The following PIP5K1A variants were observed in gnomAD, a reference collection of about 807,000 sequenced individuals.
The protein encoded by PIP5K1A is phosphatidylinositol-4-phosphate 5-kinase type 1 alpha.
PIP5K1A carries 46 observed loss-of-function variants against 72.9 expected under a neutral mutation model. The ratio of observed to expected loss-of-function variants is 0.63; its 90% CI spans 0.50 to 0.81. PIP5K1A has a LOEUF of 0.81. PIP5K1A is among the 30% of genes least tolerant of loss of function. The pLI is 0.00. For synonymous variants in PIP5K1A, 228 were observed against 255.1 expected (o/e 0.89, Z 1.01); for missense variants, 458 against 706.1 (o/e 0.65, Z 3.98).
chr1:151,246,012 C>T (rs1360772357), intron 14 of PIP5K1A, among the ~76,000 whole-genome samples: 2 of 151,986 alleles, frequency 1.3e-5, no homozygotes, highest in Non-Finnish European at 2.9e-5. Context: ...TTTGGGAGGC[C>T]GAGGAGGGCG....
intron 1 of PIP5K1A, among the ~76,000 whole-genome samples, chr1:151,208,152 G>A (rs963905083): frequency 5.9e-5 from 9 of 152,016 alleles, no homozygotes; most frequent in African/African-American, 2.2e-4. Flanking sequence ...GAGCCACCGG[G>A]CCCAGCTGGC....
upstream of PIP5K1A, chr1:151,198,162 T>TA: frequency 2.2e-6 from 1 of 462,494 alleles, no homozygotes; most frequent in Non-Finnish European, 4.5e-6. Flanking sequence ...ACAAGAGTAG[T>TA]AAAACAGGAA....
At chr1:151,208,477 C>T (rs1348389074) in intron 1 of PIP5K1A, among the ~76,000 whole-genome samples, 1 of 151,064 alleles carries the variant, frequency 6.6e-6, no homozygotes, top group Non-Finnish European at 1.5e-5. Flanking sequence ...TCCCCTGCCT[C>T]AGCCTCCTGA....
At chr1:151,228,573 C>T (rs1689503814) in intron 4 of PIP5K1A, among the ~76,000 whole-genome samples, 1 of 152,080 alleles carries the variant, frequency 6.6e-6, no homozygotes, top group Admixed American at 6.6e-5. Flanking sequence ...GGAAATTGGG[C>T]TGGTGAAGGG....
At chr1:151,230,403 G>A (rs1306555388) in intron 4 of PIP5K1A, among the ~76,000 whole-genome samples, 1 of 152,164 alleles carries the variant, frequency 6.6e-6, no homozygotes, top group Non-Finnish European at 1.5e-5. Context: ...CTTTCCCACG[G>A]GCTTGGAATC....
intron 1 of PIP5K1A, among the ~76,000 whole-genome samples, chr1:151,216,486 A>G (rs1239025781): frequency 2.6e-5 from 4 of 152,016 alleles, no homozygotes; most frequent in Non-Finnish European, 4.4e-5. Context: ...AAAATGTGTT[A>G]CCCTAACATA....
At position 151,247,867 on chromosome 1, in the gene PIP5K1A, C is replaced by T. The variant is rs759679237; in HGVS notation, c.*2C>T. Reference sequence around the variant, plus strand: ...CTTTACACTCTCCCTTTTCAGTAAGCGCAAAGCCTCAGAAGACCTGGAACA... The same window carrying T: ...CTTTACACTCTCCCTTTTCAGTAAGTGCAAAGCCTCAGAAGACCTGGAACA... On this transcript the variant is annotated 3_prime_UTR_variant, in exon 16 of 16. Transcript: ENST00000368888. 37 of 1,609,830 alleles carry T rather than the reference C, an allele frequency of 2.3e-5. No individual in the cohort carries two copies. The highest frequency in any genetic ancestry group is 1.1e-4 in the East Asian group (5 of 44,834).
intron 1 of PIP5K1A, among the ~76,000 whole-genome samples, chr1:151,214,449 C>T (rs1458973528): frequency 5.3e-5 from 8 of 151,862 alleles, no homozygotes; most frequent in African/African-American, 1.2e-4. Flanking sequence ...GACCCCATCT[C>T]GGCTCACTGC....
At chr1:151,247,592 ATT>A (rs1692695451) in intron 15 of PIP5K1A, among the ~76,000 whole-genome samples, 1 of 151,872 alleles carries the variant, frequency 6.6e-6, no homozygotes, top group African/African-American at 2.4e-5. Flanking sequence ...TGCCCGGCTA[ATT>A]TTTTGTATTT....
rs1163546241 is a variant in PIP5K1A, at chr1:151,199,341, G to T, written c.85+260G>T. On this transcript the variant is annotated intron_variant, in intron 1 of 15. Transcript: ENST00000368888. ...AGGTGGGGGTAGGGTGGCCCGGCGC[G>T]GTGGCTCACGCCTGTAATCTCAGCA... Among the ~76,000 whole-genome samples, 3 of 152,132 alleles carry T rather than the reference G, an allele frequency of 2.0e-5. No homozygotes were observed. The East Asian group carries it at 5.8e-4, about 29-fold the overall frequency.
Position 151,236,675 on chromosome 1 carries a change from C to T in PIP5K1A, c.1057C>T (p.Pro353Ser). Residue 353 changes from proline (P) to serine (S), a missense_variant, in exon 9 of 16, where the codon CCG becomes TCG. By Grantham distance (74) the Pro-to-Ser change is moderately conservative (BLOSUM62 -1). Coordinates refer to ENST00000368888, the MANE Select transcript of PIP5K1A (RefSeq NM_001135638.2). ...ETQYSVDTRR[P>S]APQKALYSTA... The stretch of plus-strand genomic sequence containing the variant: ...ACAGTACTCAGTTGATACTCGAAGA[C>T]CGGCCCCCCAAAAGGCTCTGTATTC... 2 of 1,613,952 alleles carry T rather than the reference C, an allele frequency of 1.2e-6. No homozygotes were observed. The highest frequency in any genetic ancestry group is 1.7e-6 in the Non-Finnish European group (2 of 1,179,958).
intron 14 of PIP5K1A, among the ~76,000 whole-genome samples, chr1:151,244,894 A>G (rs1260292189): frequency 6.9e-6 from 1 of 145,566 alleles, no homozygotes; most frequent in African/African-American, 2.5e-5. Context: ...TTTAGACCAC[A>G]TTTTCTTGGC....
intron 9 of PIP5K1A, 74 bp downstream of exon 9, chr1:151,236,837 T>TG: frequency 9.4e-7 from 1 of 1,069,252 alleles, no homozygotes; most frequent in Admixed American, 2.8e-5. Context: ...TTTTTTTTTT[T>TG]TTTTTTAGTT....
intron 4 of PIP5K1A, among the ~76,000 whole-genome samples, chr1:151,229,700 A>G (rs1689750094): frequency 6.7e-6 from 1 of 150,374 alleles, no homozygotes; most frequent in Non-Finnish European, 1.5e-5. Context: ...AGATAAAAAG[A>G]TGAGTTTCTA....
chr1:151,223,873 C>T (rs1688743985), intron 1 of PIP5K1A: 1 of 208,012 alleles, frequency 4.8e-6, no homozygotes, highest in African/African-American at 2.3e-5. Flanking sequence ...CCTGTAATCC[C>T]TGCTACTCAG....
Position 151,242,558 on chromosome 1 carries a change from T to C in PIP5K1A, c.1631T>C (p.Leu544Pro), listed in dbSNP as rs370044998. The C allele has an allele frequency of 2.0e-5, 32 of 1,613,840 alleles. No individual in the cohort carries two copies. The highest frequency in any genetic ancestry group is 2.3e-5 in the Non-Finnish European group (27 of 1,179,790). The change falls in exon 14 of 16, where the codon CTA (leucine) becomes CCA (proline). Residue 544 changes from leucine to proline, a missense_variant. Physicochemically the swap from Leu to Pro is moderately conservative, Grantham distance 98 (BLOSUM62 -3). Transcript: ENST00000368888. ...CTAGTTGGAGAGACTTTGCAAATGC[T>C]AACTACAAGGTTGGTTTATTGGCCC... The part of the protein sequence containing the change: ...SPLVGETLQM[L>P]TTSTTLEKLE...
At chr1:151,204,144 T>C (rs1279136318) in intron 1 of PIP5K1A, among the ~76,000 whole-genome samples, 1 of 152,142 alleles carries the variant, frequency 6.6e-6, no homozygotes, top group Non-Finnish European at 1.5e-5. Flanking sequence ...TGCAGTAATC[T>C]GTTAACTCCA....
intron 12 of PIP5K1A, 71 bp from the exon 13 acceptor site, chr1:151,242,049 AATT>A (rs1691807723): frequency 1.1e-5 from 16 of 1,488,904 alleles, no homozygotes; most frequent in Middle Eastern, 1.9e-4. Context: ...GGATACTAGC[AATT>A]ATTTGTATCT....
At chr1:151,240,752 A>T (rs752945590) in intron 12 of PIP5K1A, among the ~76,000 whole-genome samples, 2 of 152,124 alleles carry the variant, frequency 1.3e-5, no homozygotes, top group Non-Finnish European at 2.9e-5. Context: ...ACATCATGAG[A>T]CCTTGTCTCT....
Sources: allele counts gnomAD v4.1 joint callset (sites outside exome capture counted in the v4.1 genomes callset), GRCh38; gene constraint gnomAD v4.1.1; transcripts MANE v1.5; gene names NCBI Gene and HGNC (gene_info 2026-07-23, HGNC 2026-07-21).